Variants in ME1 observed in about 807,000 individuals in gnomAD.
ME1 encodes malic enzyme 1.
Under a neutral mutation model 66.4 loss-of-function variants are expected in ME1, and 74 were observed. The observed-to-expected ratio is 1.11, with a 90% CI of 0.92 to 1.35. The LOEUF (loss-of-function observed/expected upper bound fraction) is 1.35, where lower values mean the gene tolerates loss of function less well. Among genes scored for constraint, ME1 ranks in the 40% most tolerant of loss-of-function variants. The pLI, the probability that ME1 is intolerant of heterozygous loss-of-function variation, is 0.00. For synonymous variants in ME1, 251 were observed against 235.6 expected, an observed-to-expected ratio of 1.07 and a Z score of -0.60; for missense variants, 750 against 694.1, an observed-to-expected ratio of 1.08 and a Z score of -0.90.
chr6:83,230,858 AG>A (rs1342698253), intron 9 of ME1, among the ~76,000 whole-genome samples: 1 of 152,146 alleles, frequency 6.6e-6, no homozygotes, highest in African/African-American at 2.4e-5. Flanking sequence ...GCATAAACCC[AG>A]GAGGCAGAGC....
At chr6:83,267,494 T>C (rs575740065) in intron 6 of ME1, among the ~76,000 whole-genome samples, 10 of 152,298 alleles carry the variant, frequency 6.6e-5, no homozygotes, top group African/African-American at 2.4e-4. Flanking sequence ...AATTTTGCTC[T>C]CAGTGCAGCC....
At chr6:83,316,276 G>A (rs551806405) in intron 5 of ME1, among the ~76,000 whole-genome samples, 140 of 152,148 alleles carry the variant, frequency 9.2e-4, no homozygotes, top group Middle Eastern at 3.4e-3. Flanking sequence ...TGATATATCT[G>A]AGAATGTTGC....
intron 5 of ME1, among the ~76,000 whole-genome samples, chr6:83,341,921 C>T (rs1357727116): frequency 6.6e-6 from 1 of 152,164 alleles, no homozygotes; most frequent in Non-Finnish European, 1.5e-5. Flanking sequence ...TGTAACTTCA[C>T]ATCAGCCTCT....
chr6:83,397,990 G>T (rs1016045657), intron 3 of ME1, among the ~76,000 whole-genome samples: 1 of 152,006 alleles, frequency 6.6e-6, no homozygotes, highest in Non-Finnish European at 1.5e-5. Flanking sequence ...TAGGGGGAGC[G>T]GGTTGCGGGA....
chr6:83,273,792 T>A (rs781565102), intron 6 of ME1, among the ~76,000 whole-genome samples: 2 of 152,222 alleles, frequency 1.3e-5, no homozygotes, highest in African/African-American at 2.4e-5. Context: ...CCATCTCTGC[T>A]GCTTCAGTTA....
chr6:83,315,751 G>T (rs1768019246), intron 5 of ME1, among the ~76,000 whole-genome samples: 1 of 152,068 alleles, frequency 6.6e-6, no homozygotes. Flanking sequence ...ACAAAAATTA[G>T]CTGGGTGTGG....
At chr6:83,368,044 T>A (rs9449614) in intron 3 of ME1, among the ~76,000 whole-genome samples, 8,965 of 152,026 alleles carry the variant, frequency 0.059, 485 homozygotes, top group African/African-American at 0.14. Flanking sequence ...ATTTCAACAC[T>A]GTTGTGTGTC....
At chr6:83,403,848 G>A (rs1475215771) in intron 2 of ME1, among the ~76,000 whole-genome samples, 2 of 152,184 alleles carry the variant, frequency 1.3e-5, no homozygotes, top group African/African-American at 4.8e-5. Flanking sequence ...TTTAATGGCT[G>A]CATAGCATTC....
At chr6:83,301,314 TTCTC>T (rs560570045) in intron 6 of ME1, among the ~76,000 whole-genome samples, 9,566 of 141,284 alleles carry the variant, frequency 0.068, 472 homozygotes, top group African/African-American at 0.13. Context: ...CTTTCTTTCT[TTCTC>T]TCTCTCTCTC....
At chr6:83,308,225 C>T (rs537217712) in intron 6 of ME1, among the ~76,000 whole-genome samples, 1 of 152,042 alleles carries the variant, frequency 6.6e-6, no homozygotes, top group Non-Finnish European at 1.5e-5. Flanking sequence ...ATTCCTAGTG[C>T]TTCCCAATAA....
rs118081320 is a variant in ME1 at position 83,253,682 on chromosome 6, C to G, written c.761G>C (p.Arg254Pro). 9.4e-5 allele frequency: 152 copies of G among 1,611,692 alleles called. No individual in the cohort carries two copies. Among genetic ancestry groups the G allele is most frequent in the Non-Finnish European group, 1.0e-4 (122 of 1,178,570 alleles). Residue 254 changes from arginine to proline, a missense_variant, in exon 7 of 14, where the codon CGT becomes CCT. Physicochemically the swap from Arg to Pro is moderately radical, Grantham distance 103 (BLOSUM62 -2). Coordinates refer to ENST00000369705, the MANE Select transcript of ME1 (RefSeq NM_002395.6). Reference sequence around the variant, plus strand: ...CTGGTTTCGATACTTGTTCAGGAGACGAAATGCATTCACATTGGCAAAATC... The same window carrying G: ...CTGGTTTCGATACTTGTTCAGGAGAGGAAATGCATTCACATTGGCAAAATC... ...FEDFANVNAF[R>P]LLNKYRNQYC...
intron 3 of ME1, among the ~76,000 whole-genome samples, chr6:83,396,707 T>C (rs946554852): frequency 6.6e-6 from 1 of 152,186 alleles, no homozygotes; most frequent in African/African-American, 2.4e-5. Context: ...GGTATCATAC[T>C]ACCTGATTTC....
chr6:83,290,606 T>C (rs894674021), intron 6 of ME1, among the ~76,000 whole-genome samples: 1 of 152,164 alleles, frequency 6.6e-6, no homozygotes, highest in Non-Finnish European at 1.5e-5. Flanking sequence ...ATTCTGTTGA[T>C]TTAGGGTGGA....
rs1204653262 is a variant in ME1, at chr6:83,334,371, C to T, written c.600+11802G>A. Among the ~76,000 whole-genome samples, 194 of 90,762 alleles carry T rather than the reference C, an allele frequency of 2.1e-3. 1 individual carries two copies. Among genetic ancestry groups the T allele is most frequent in the Non-Finnish European group, 3.3e-3 (147 of 45,228 alleles). The allele number at this position is 90,762 out of a possible 152,430, so 59.5% of individuals were successfully genotyped here. A position where few individuals can be genotyped will look rare whatever the true frequency, so the allele number is the denominator to read the frequency against. On this transcript the variant is annotated intron_variant, in intron 5 of 13. Transcript: ENST00000369705. ...AGCAGTCTGAGATCAAACTGCAAGG[C>T]GGCAACGAGGCTGGGGGAGGGGCGC...
At chr6:83,280,790 T>C (rs1423272281) in intron 6 of ME1, among the ~76,000 whole-genome samples, 2 of 152,192 alleles carry the variant, frequency 1.3e-5, no homozygotes, top group African/African-American at 4.8e-5. Flanking sequence ...AGGTATTAGT[T>C]GATATAACTG....
chr6:83,359,995 A>G (rs1254066008), intron 3 of ME1, among the ~76,000 whole-genome samples: 1 of 152,250 alleles, frequency 6.6e-6, no homozygotes, highest in Admixed American at 6.5e-5. Flanking sequence ...AGTCTGACTT[A>G]TGTAGAGCTA....
At chr6:83,300,088 T>G (rs1767686496) in intron 6 of ME1, among the ~76,000 whole-genome samples, 1 of 152,026 alleles carries the variant, frequency 6.6e-6, no homozygotes, top group Non-Finnish European at 1.5e-5. Flanking sequence ...TCTGCCAGGT[T>G]TTGGTATCAG....
intron 2 of ME1, among the ~76,000 whole-genome samples, chr6:83,404,097 T>C (rs991813500): frequency 6.6e-6 from 1 of 152,170 alleles, no homozygotes; most frequent in Non-Finnish European, 1.5e-5. Flanking sequence ...TCCACAATGG[T>C]TGAACTAATT....
chr6:83,328,031 GC>G (rs1768335198), intron 5 of ME1, among the ~76,000 whole-genome samples: 1 of 152,288 alleles, frequency 6.6e-6, no homozygotes, highest in South Asian at 2.1e-4. Flanking sequence ...GTTTATTGCA[GC>G]ACTGTTCACA....
Sources: allele counts gnomAD v4.1 joint callset (sites outside exome capture counted in the v4.1 genomes callset), GRCh38; gene constraint gnomAD v4.1.1; transcripts MANE v1.5; gene names NCBI Gene and HGNC (gene_info 2026-07-23, HGNC 2026-07-21).